FOXL1: variants seen among roughly 807,000 people sequenced by gnomAD.
FOXL1 encodes forkhead box protein L1.
Under a neutral mutation model 1.7 loss-of-function variants are expected in FOXL1, and 2 were observed. The ratio of observed to expected loss-of-function variants is 1.21; its 90% confidence interval spans 0.49 to 3.80. FOXL1 has a LOEUF of 3.80. Among genes scored for constraint, FOXL1 ranks in the 30% most tolerant of loss-of-function variants. The pLI is 0.07. For missense variants in FOXL1, 565 were observed against 495.8 expected, an observed-to-expected ratio of 1.14 and a Z score of -1.32; for synonymous variants, 280 against 229.3, an observed-to-expected ratio of 1.22 and a Z score of -2.00.
Position 86,579,939 on chromosome 16 carries a change from C to G in FOXL1, c.*178C>G. ...GCGCGCTCGCCTGCCTTCTCCGAAG[C>G]AAACTTTTCCCAGCAACTGGGAGCA... On this transcript the variant is annotated 3_prime_UTR_variant, in exon 1 of 1. Coordinates refer to ENST00000320241, the MANE Select transcript of FOXL1 (RefSeq NM_005250.3). 1 of 651,266 alleles carries G rather than the reference C, an allele frequency of 1.5e-6. No individual in the cohort carries two copies. Among genetic ancestry groups the G allele is most frequent in the Non-Finnish European group, 2.7e-6 (1 of 371,720 alleles). 40.3% of individuals were successfully genotyped at this position (651,266 alleles called of 1,614,324 possible). A position where few individuals can be genotyped will look rare whatever the true frequency, so the allele number is the denominator to read the frequency against.
Position 86,579,214 on chromosome 16 carries a change from G to A in FOXL1, c.491G>A (p.Arg164His). The change falls in exon 1 of 1, where the codon CGC becomes CAC. Residue 164 changes from arginine to histidine, a missense_variant. By Grantham distance (29) the Arg-to-His change is conservative. Transcript: ENST00000320241. ...AGGCCCCGCGCCGAGACGCACCAGC[G>A]CAGCGCGGAGGCGCAGCCGGAGGCG... is the stretch of plus-strand genomic sequence containing the variant. ...AKRPRAETHQ[R>H]SAEAQPEAGS... is the part of the protein sequence containing the mutation. The A allele has an allele frequency of 6.4e-7, 1 of 1,564,188 alleles. No homozygotes were observed. Among genetic ancestry groups the A allele is most frequent in the Non-Finnish European group, 8.6e-7 (1 of 1,156,804 alleles).
In FOXL1 at chr16:86,579,009, A is replaced by T. The variant is rs1293711877; in HGVS notation, c.286A>T (p.Ser96Cys). 2 of 1,613,942 alleles carry T rather than the reference A, an allele frequency of 1.2e-6. No individual in the cohort carries two copies. The highest frequency in any genetic ancestry group is 1.3e-5 in the African/African-American group (1 of 74,918). ...CGACAACCGGCAGGGCTGGCAGAAC[A>T]GCATCCGCCACAACCTCTCGCTCAA... ...YHDNRQGWQN[S>C]IRHNLSLNDC... is the part of the protein sequence containing the mutation. Residue 96 changes from serine to cysteine, a missense_variant, in exon 1 of 1, where the codon AGC (serine) becomes TGC (cysteine). Transcript: ENST00000320241.
chr16:86,578,707 G>A lies in FOXL1; in HGVS notation c.-17G>A, dbSNP rs140270972. ...TCTCCTGCGTTGCGGGGAGCGCAGC[G>A]CAGGCTCTCGCTTGCCATGAGTCAC... On this transcript the variant is annotated 5_prime_UTR_variant, in exon 1 of 1. Transcript: ENST00000320241. The A allele has an allele frequency of 3.0e-3, 4,812 of 1,583,976 alleles. 14 individuals are homozygous for A. Among genetic ancestry groups the A allele is most frequent in the Non-Finnish European group, 3.6e-3 (4,163 of 1,162,174 alleles).
rs530798138 is a variant in FOXL1 at position 86,579,341 on chromosome 16, C to A, written c.618C>A (p.Leu206=). The change falls in exon 1 of 1, where the codon CTC becomes CTA. Residue 206 remains leucine, a synonymous_variant. Coordinates refer to ENST00000320241, the MANE Select transcript of FOXL1 (RefSeq NM_005250.3). ...LLDGPSPPAP[L]HWPGTASPNE... is the part of the protein sequence containing the mutation. ...ACGGCCCCTCTCCGCCGGCGCCCCT[C>A]CACTGGCCGGGGACCGCGTCCCCGA... The A allele has an allele frequency of 2.0e-6, 3 of 1,482,488 alleles. No homozygotes were observed. The highest frequency in any genetic ancestry group is 1.5e-5 in the African/African-American group (1 of 67,940). The allele number at this position is 1,482,488 out of a possible 1,614,324, so 91.8% of individuals were successfully genotyped here. A position where few individuals can be genotyped will look rare whatever the true frequency, so the allele number is the denominator to read the frequency against.
In FOXL1 at chr16:86,580,799, A is replaced by G. The variant is rs969181655; in HGVS notation, c.*1038A>G. 6.0e-6 allele frequency: 1 copy of G among 167,042 alleles called. No individual in the cohort carries two copies. Among genetic ancestry groups the G allele is most frequent in the Non-Finnish European group, 1.5e-5 (1 of 68,134 alleles). 10.3% of individuals were successfully genotyped at this position (167,042 alleles called of 1,614,324 possible). A position where few individuals can be genotyped will look rare whatever the true frequency, so the allele number is the denominator to read the frequency against. ...ATTTTTCAGAAACAGATAATGAAAGACTACATTTAATTTAAAAAGTTGGGT... is the reference window on the plus strand; with the variant it reads ...ATTTTTCAGAAACAGATAATGAAAGGCTACATTTAATTTAAAAAGTTGGGT... On this transcript the variant is annotated 3_prime_UTR_variant, in exon 1 of 1. Transcript: ENST00000320241.
Position 86,579,410 on chromosome 16 carries a change from G to C in FOXL1, c.687G>C (p.Ala229=), listed in dbSNP as rs1024355659. Residue 229 remains alanine, a synonymous_variant, in exon 1 of 1, where the codon GCG becomes GCC. Transcript: ENST00000320241. ...GDAAQGAAAV[A]VGQAARTGDG... ...CTGCCCAGGGCGCAGCGGCCGTGGC[G>C]GTCGGCCAGGCAGCGCGCACAGGGG... 2 of 1,528,994 alleles carry C rather than the reference G, an allele frequency of 1.3e-6. No individual in the cohort carries two copies. The highest frequency in any genetic ancestry group is 1.9e-4 in the Middle Eastern group (1 of 5,266). 94.7% of individuals were successfully genotyped at this position (1,528,994 alleles called of 1,614,324 possible).
chr16:86,579,126 A>G lies in FOXL1; in HGVS notation c.403A>G (p.Asn135Asp). The part of the protein sequence containing the change: ...LDPRCLDMFE[N>D]GNYRRRKRKP... ...CCCCCGCTGCCTGGACATGTTTGAG[A>G]ACGGCAACTACCGGCGCCGGAAGAG... The change falls in exon 1 of 1, where the codon AAC (asparagine) becomes GAC (aspartate). Residue 135 changes from asparagine (N) to aspartate (D), a missense_variant. Coordinates refer to ENST00000320241, the MANE Select transcript of FOXL1 (RefSeq NM_005250.3). 2 of 1,613,600 alleles carry G rather than the reference A, an allele frequency of 1.2e-6. No homozygotes were observed. The highest frequency in any genetic ancestry group is 1.7e-6 in the Non-Finnish European group (2 of 1,179,920).
rs1387339230 is a variant in FOXL1 at position 86,581,763 on chromosome 16, G to A, written c.*2002G>A. The A allele has an allele frequency of 7.8e-5, 13 of 166,724 alleles. No homozygotes were observed. In the Admixed American group the frequency reaches 8.5e-4, roughly 11 times the overall value. 10.3% of individuals were successfully genotyped at this position (166,724 alleles called of 1,614,324 possible). On this transcript the variant is annotated 3_prime_UTR_variant, in exon 1 of 1. Transcript: ENST00000320241. ...CAGTGTAATAAGAAAGAGGAGACTG[G>A]GATTATATCTGGGAGTCGTGTTAGC...
At position 86,578,995 on chromosome 16, in the gene FOXL1, A is replaced by C; in HGVS notation, c.272A>C (p.Gln91Pro). 1 of 1,614,092 alleles carries C rather than the reference A, an allele frequency of 6.2e-7. No individual in the cohort carries two copies. The highest frequency in any genetic ancestry group is 8.5e-7 in the Non-Finnish European group (1 of 1,179,982). The change falls in exon 1 of 1, where the codon CAG becomes CCG. Residue 91 changes from glutamine (Q) to proline (P), a missense_variant. By Grantham distance (76) the Gln-to-Pro change is moderately conservative. Coordinates refer to ENST00000320241, the MANE Select transcript of FOXL1 (RefSeq NM_005250.3). Reference protein sequence around the residue: ...DRFPFYHDNRQGWQNSIRHNL... With the variant: ...DRFPFYHDNRPGWQNSIRHNL... ...TTCCCCTTCTACCACGACAACCGGC[A>C]GGGCTGGCAGAACAGCATCCGCCAC... is the stretch of plus-strand genomic sequence containing the variant.
Position 86,578,931 on chromosome 16 carries a change from G to A in FOXL1, c.208G>A (p.Val70Ile). 6.2e-7 allele frequency: 1 copy of A among 1,614,190 alleles called. No individual in the cohort carries two copies. Among genetic ancestry groups the A allele is most frequent in the Non-Finnish European group, 8.5e-7 (1 of 1,179,992 alleles). Residue 70 changes from valine (V) to isoleucine (I), a missense_variant, in exon 1 of 1, where the codon GTC becomes ATC. Transcript: ENST00000320241. ...MAIQDAPEQR[V>I]TLNGIYQFIM... ...GATCCAGGACGCGCCCGAGCAGAGG[G>A]TCACGCTCAACGGCATCTACCAGTT...
In FOXL1 at chr16:86,579,246, G is replaced by A. The variant is rs755723445; in HGVS notation, c.523G>A (p.Gly175Arg). ...GGAGGCGCAGCCGGAGGCGGGGAGC[G>A]GGGCAGGGGGCTCGGGCCCCGCAAT... ...SAEAQPEAGS[G>R]AGGSGPAISR... Residue 175 changes from glycine to arginine, a missense_variant, in exon 1 of 1, where the codon GGG becomes AGG. Physicochemically the swap from Gly to Arg is moderately radical, Grantham distance 125. Transcript: ENST00000320241. 1 of 1,450,304 alleles carries A rather than the reference G, an allele frequency of 6.9e-7. No individual in the cohort carries two copies. The highest frequency in any genetic ancestry group is 3.0e-5 in the Admixed American group (1 of 33,834). 89.8% of individuals were successfully genotyped at this position (1,450,304 alleles called of 1,614,324 possible).
At position 86,579,362 on chromosome 16, in the gene FOXL1, C is replaced by T. The variant is rs781433069; in HGVS notation, c.639C>T (p.Ser213=). 6.0e-6 allele frequency: 9 copies of T among 1,496,502 alleles called. No homozygotes were observed. Among genetic ancestry groups the T allele is most frequent in the South Asian group, 3.8e-5 (3 of 78,688 alleles). The allele number at this position is 1,496,502 out of a possible 1,614,324, so 92.7% of individuals were successfully genotyped here. ...PAPLHWPGTA[S]PNEDAGDAAQ... is the part of the protein sequence containing the mutation. ...CCCTCCACTGGCCGGGGACCGCGTC[C>T]CCGAACGAGGACGCTGGTGACGCTG... The change falls in exon 1 of 1, where the codon TCC becomes TCT. Residue 213 remains serine (S), a synonymous_variant. Coordinates refer to ENST00000320241, the MANE Select transcript of FOXL1 (RefSeq NM_005250.3).
rs143461122 is a variant in FOXL1 at position 86,578,851 on chromosome 16, G to C, written c.128G>C (p.Arg43Pro). Residue 43 changes from arginine (R) to proline (P), a missense_variant, in exon 1 of 1, where the codon CGG becomes CCG. Physicochemically the swap from Arg to Pro is moderately radical, Grantham distance 103. Transcript: ENST00000320241. ...GCGGCTGCTCTAGCTGCCTCGGGCC[G>C]GGCCGAGACCCCGCAGAAGCCTCCC... ...APAAALAASG[R>P]AETPQKPPYS... 21 of 1,613,744 alleles carry C rather than the reference G, an allele frequency of 1.3e-5. No homozygotes were observed. In the East Asian group the frequency reaches 2.0e-4, roughly 15 times the overall value.
rs1379521756 is a variant in FOXL1, at chr16:86,578,702, G to C, written c.-22G>C. The C allele has an allele frequency of 6.3e-7, 1 of 1,576,356 alleles. No homozygotes were observed. The highest frequency in any genetic ancestry group is 8.6e-7 in the Non-Finnish European group (1 of 1,158,524). On this transcript the variant is annotated 5_prime_UTR_variant, in exon 1 of 1. Coordinates refer to ENST00000320241, the MANE Select transcript of FOXL1 (RefSeq NM_005250.3). ...CCGGGTCTCCTGCGTTGCGGGGAGCGCAGCGCAGGCTCTCGCTTGCCATGA... is the reference window on the plus strand; with the variant it reads ...CCGGGTCTCCTGCGTTGCGGGGAGCCCAGCGCAGGCTCTCGCTTGCCATGA...
rs1311240001 is a variant in FOXL1 at position 86,578,874 on chromosome 16, C to T, written c.151C>T (p.Pro51Ser). The T allele has an allele frequency of 6.2e-7, 1 of 1,613,988 alleles. No individual in the cohort carries two copies. The highest frequency in any genetic ancestry group is 8.5e-7 in the Non-Finnish European group (1 of 1,180,010). ...SGRAETPQKP[P>S]YSYIALIAMA... The stretch of plus-strand genomic sequence containing the variant: ...CCGGGCCGAGACCCCGCAGAAGCCT[C>T]CCTACAGCTACATCGCGCTCATCGC... The change falls in exon 1 of 1, where the codon CCC becomes TCC. Residue 51 changes from proline to serine, a missense_variant. By Grantham distance (74) the Pro-to-Ser change is moderately conservative. Transcript: ENST00000320241.
In FOXL1 at chr16:86,578,702, G is replaced by A. The variant is rs1379521756; in HGVS notation, c.-22G>A. On this transcript the variant is annotated 5_prime_UTR_variant, in exon 1 of 1. Coordinates refer to ENST00000320241, the MANE Select transcript of FOXL1 (RefSeq NM_005250.3). ...CCGGGTCTCCTGCGTTGCGGGGAGC[G>A]CAGCGCAGGCTCTCGCTTGCCATGA... 1 of 1,576,472 alleles carries A rather than the reference G, an allele frequency of 6.3e-7. No homozygotes were observed.
chr16:86,579,188 G>C lies in FOXL1; in HGVS notation c.465G>C (p.Lys155Asn). The change falls in exon 1 of 1, where the codon AAG (lysine) becomes AAC (asparagine). Residue 155 changes from lysine to asparagine, a missense_variant. Lys to Asn is a moderately conservative substitution (Grantham distance 94). Transcript: ENST00000320241. ...CGGGCCCCGGGGCCCCGGAGGCCAA[G>C]AGGCCCCGCGCCGAGACGCACCAGC... ...PKPGPGAPEAKRPRAETHQRS... is the reference protein window; with the variant it reads ...PKPGPGAPEANRPRAETHQRS... The C allele has an allele frequency of 6.3e-7, 1 of 1,598,258 alleles. No homozygotes were observed. Among genetic ancestry groups the C allele is most frequent in the South Asian group, 1.1e-5 (1 of 90,352 alleles).
At position 86,580,032 on chromosome 16, in the gene FOXL1, C is replaced by T. The variant is rs1263899981; in HGVS notation, c.*271C>T. ...CACGTGGGCCCTGCAGGGACCTCCA[C>T]CGCGGGAGATTCCTTGACGTTTGAC... is the stretch of plus-strand genomic sequence containing the variant. On this transcript the variant is annotated 3_prime_UTR_variant, in exon 1 of 1. Transcript: ENST00000320241. 2.1e-5 allele frequency: 11 copies of T among 526,762 alleles called. No homozygotes were observed. The highest frequency in any genetic ancestry group is 1.3e-4 in the African/African-American group (7 of 52,436). 32.6% of individuals were successfully genotyped at this position (526,762 alleles called of 1,614,324 possible).
Position 86,582,832 on chromosome 16 carries a change from A to T in FOXL1, c.*3071A>T, listed in dbSNP as rs1270826208. On this transcript the variant is annotated 3_prime_UTR_variant, in exon 1 of 1. Transcript: ENST00000320241. Reference sequence around the variant, plus strand: ...TTTTTAAAAATAGATAATAATTTCTATATAGCTTTAATAGTTTTGTTTCTC... The same window carrying T: ...TTTTTAAAAATAGATAATAATTTCTTTATAGCTTTAATAGTTTTGTTTCTC... 1.3e-5 allele frequency among the ~76,000 whole-genome samples: 2 copies of T among 152,042 alleles called. No homozygotes were observed. Among genetic ancestry groups the T allele is most frequent in the Non-Finnish European group, 2.9e-5 (2 of 68,028 alleles).
Sources: allele counts gnomAD v4.1 joint callset (sites outside exome capture counted in the v4.1 genomes callset), GRCh38; gene constraint gnomAD v4.1.1; transcripts MANE v1.5; gene names NCBI Gene and HGNC (gene_info 2026-07-23, HGNC 2026-07-21).